Variants in ERCC1 observed in about 807,000 individuals in gnomAD.
ERCC1 encodes the protein DNA excision repair protein ERCC-1.
ERCC1 carries 36 observed loss-of-function variants against 37.6 expected under a neutral mutation model. The observed-to-expected ratio is 0.96, with a 90% CI of 0.73 to 1.26. The LOEUF (loss-of-function observed/expected upper bound fraction) is 1.26, where lower values mean the gene tolerates loss of function less well. Ranked by LOEUF, ERCC1 falls within the 50% of genes most tolerant of loss-of-function variation. The pLI, the probability that ERCC1 is intolerant of heterozygous loss-of-function variation, is 0.00. For missense variants in ERCC1, 349 were observed against 376.5 expected, an observed-to-expected ratio of 0.93 and a Z score of 0.60; for synonymous variants, 156 against 162.1, an observed-to-expected ratio of 0.96 and a Z score of 0.28.
rs569670995 is a variant in ERCC1 at position 45,420,968 on chromosome 19, AAC to A, written c.321+208_321+209del. ...TAAATTAACAAACCTGGGGTGAGGA[AAC>A]AGAGCTACACCAATACAGCCACAGC... On this transcript the variant is annotated intron_variant, in intron 3 of 9. Coordinates refer to ENST00000300853, the MANE Select transcript of ERCC1 (RefSeq NM_001983.4). This position sits in a 1 kb window ranked among gnomAD's most constrained non-coding sequence, Gnocchi z 4.8. Among the ~76,000 whole-genome samples the A allele has an allele frequency of 7.9e-5, 12 of 152,278 alleles. No homozygotes were observed. In the East Asian group the frequency reaches 2.3e-3, roughly 29 times the overall value.
At position 45,408,544 on chromosome 19, in the gene ERCC1, T is replaced by A. The variant is rs1306345910; in HGVS notation, c.*1131A>T. ...CCCCAGTCACTCAGGAGGCAGTGAA[T>A]GGGCACGGGGCCCTGGAGGTGGACA... is the stretch of plus-strand genomic sequence containing the variant. On this transcript the variant is annotated 3_prime_UTR_variant, in exon 10 of 10. Coordinates refer to ENST00000300853, the MANE Select transcript of ERCC1 (RefSeq NM_001983.4). 6.2e-7 allele frequency: 1 copy of A among 1,613,628 alleles called. No individual in the cohort carries two copies. Among genetic ancestry groups the A allele is most frequent in the Admixed American group, 1.7e-5 (1 of 59,994 alleles).
rs1203500887 is a variant in ERCC1 at position 45,407,547 on chromosome 19, C to T, written c.*2128G>A. ...CCATTAATCCTGCAACCTAAGCTTGCTCATTTATGTTATATTTAAGTAATG... is the reference window on the plus strand; with the variant it reads ...CCATTAATCCTGCAACCTAAGCTTGTTCATTTATGTTATATTTAAGTAATG... On this transcript the variant is annotated 3_prime_UTR_variant, in exon 10 of 10. Coordinates refer to ENST00000300853, the MANE Select transcript of ERCC1 (RefSeq NM_001983.4). 3.0e-6 allele frequency: 1 copy of T among 336,086 alleles called. No individual in the cohort carries two copies. The highest frequency in any genetic ancestry group is 5.0e-5 in the Admixed American group (1 of 20,142). 20.8% of individuals were successfully genotyped at this position (336,086 alleles called of 1,614,324 possible).
At chr19:45,414,210 T>A in intron 7 of ERCC1, 176 bp from the exon 8 acceptor site, 1 of 657,798 alleles carries the variant, frequency 1.5e-6, no homozygotes, top group South Asian at 1.6e-5. Context: ...GCGTGGTGGC[T>A]CATGCCTAAT....
chr19:45,430,063 C>G (rs989446407), intron 1 of ERCC1, among the ~76,000 whole-genome samples: 3 of 152,174 alleles, frequency 2.0e-5, no homozygotes, highest in African/African-American at 7.2e-5. Flanking sequence ...GGATTACAGG[C>G]ATGAGCCACC....
Position 45,409,892 on chromosome 19 carries a change from A to ATTTTTTTT in ERCC1, c.844-168_844-167insAAAAAAAA, listed in dbSNP as rs200386912. 10,347 of 202,152 alleles carry ATTTTTTTT rather than the reference A, an allele frequency of 0.051. 496 individuals are homozygous for ATTTTTTTT. Among genetic ancestry groups the ATTTTTTTT allele is most frequent in the South Asian group, 0.073 (354 of 4,858 alleles). 12.5% of individuals were successfully genotyped at this position (202,152 alleles called of 1,614,324 possible). A position where few individuals can be genotyped will look rare whatever the true frequency, so the allele number is the denominator to read the frequency against. Reference sequence around the variant, plus strand: ...ATCTTTTTAAGTTATTATTATTATTATTATTTTTTTTTTTTTTGAGATGGA... The same window carrying ATTTTTTTT: ...ATCTTTTTAAGTTATTATTATTATTATTTTTTTTTTATTTTTTTTTTTTTTGAGATGGA... On this transcript the variant is annotated intron_variant, in intron 9 of 9. Coordinates refer to ENST00000300853, the MANE Select transcript of ERCC1 (RefSeq NM_001983.4).
At chr19:45,443,752 C>G (rs1181526293) in intron 1 of ERCC1, among the ~76,000 whole-genome samples, 2 of 152,058 alleles carry the variant, frequency 1.3e-5, no homozygotes, top group African/African-American at 4.8e-5. Context: ...CAGGGGCTCC[C>G]CCTCTTCTGA....
Position 45,423,401 on chromosome 19 carries a change from G to A in ERCC1, c.-7-20C>T. 3 of 1,594,732 alleles carry A rather than the reference G, an allele frequency of 1.9e-6. No individual in the cohort carries two copies. Among genetic ancestry groups the A allele is most frequent in the Non-Finnish European group, 2.6e-6 (3 of 1,171,080 alleles). ...TGGAGCCTGAAAGGGAAGGTGCCAG[G>A]AGCGAGTGAGCCACTGGCGTCTACG... is the stretch of plus-strand genomic sequence containing the variant. On this transcript the variant is annotated intron_variant, in intron 1 of 9. Transcript: ENST00000300853.
chr19:45,407,356 T>C lies in ERCC1; in HGVS notation c.*2319A>G, dbSNP rs990235116. On this transcript the variant is annotated 3_prime_UTR_variant, in exon 10 of 10. Coordinates refer to ENST00000300853, the MANE Select transcript of ERCC1 (RefSeq NM_001983.4). ...GAGCACAGTGAAAGAAACAAGTTTA[T>C]TGGAAACTACTCCTTTACAGAGTAG... The C allele has an allele frequency of 3.3e-6, 3 of 915,376 alleles. No homozygotes were observed. Among genetic ancestry groups the C allele is most frequent in the Non-Finnish European group, 4.9e-6 (3 of 608,118 alleles). 56.7% of individuals were successfully genotyped at this position (915,376 alleles called of 1,614,324 possible).
At chr19:45,418,777 C>G (rs1974216752) in intron 5 of ERCC1, among the ~76,000 whole-genome samples, 1 of 152,130 alleles carries the variant, frequency 6.6e-6, no homozygotes, top group Non-Finnish European at 1.5e-5. Context: ...GAGCCAAGAT[C>G]AAGTCATTGC....
At chr19:45,423,194 TCCCACAGGC>T (rs1974544951) in intron 2 of ERCC1, 67 bp downstream of exon 2, 1 of 1,426,384 alleles carries the variant, frequency 7.0e-7, no homozygotes, top group Admixed American at 2.0e-5. Flanking sequence ...CACACCCTGG[TCCCACAGGC>T]CCCATCCTAT....
At chr19:45,413,841 G>C in intron 8 of ERCC1, 96 bp from the exon 9 acceptor site, 1 of 1,591,256 alleles carries the variant, frequency 6.3e-7, no homozygotes, top group Admixed American at 1.7e-5. Flanking sequence ...GGGGAGATGA[G>C]GGCCTGTGGG....
chr19:45,421,523 G>A (rs1974427698), intron 2 of ERCC1, 130 bp from the exon 3 acceptor site: 5 of 654,758 alleles, frequency 7.6e-6, no homozygotes, highest in Admixed American at 3.0e-5. Context: ...AGACTGGAGT[G>A]TAGTGGCACT....
chr19:45,435,454 A>C (rs1462899153), intron 1 of ERCC1, among the ~76,000 whole-genome samples: 1 of 152,172 alleles, frequency 6.6e-6, no homozygotes, highest in East Asian at 1.9e-4. Context: ...AGAAAACTCA[A>C]TAAACATTCT....
At position 45,408,558 on chromosome 19, in the gene ERCC1, T is replaced by G. The variant is rs574241250; in HGVS notation, c.*1117A>C. On this transcript the variant is annotated 3_prime_UTR_variant, in exon 10 of 10. Coordinates refer to ENST00000300853, the MANE Select transcript of ERCC1 (RefSeq NM_001983.4). Reference sequence around the variant, plus strand: ...GAGGCAGTGAATGGGCACGGGGCCCTGGAGGTGGACATGGCTTTGGGGTCG... The same window carrying G: ...GAGGCAGTGAATGGGCACGGGGCCCGGGAGGTGGACATGGCTTTGGGGTCG... 4 of 1,613,118 alleles carry G rather than the reference T, an allele frequency of 2.5e-6. No individual in the cohort carries two copies. The African/African-American group carries it at 5.4e-5, about 22-fold the overall frequency.
At chr19:45,424,076 G>A (rs1406810928), upstream of ERCC1, 1 of 1,040,580 alleles carries the variant, frequency 9.6e-7, no homozygotes, top group Non-Finnish European at 1.2e-6. Context: ...CCCTTACTGA[G>A]CGCTTCTGTG....
Position 45,419,124 on chromosome 19 carries a change from G to T in ERCC1, c.499C>A (p.Arg167=). The change falls in exon 5 of 10, where the codon CGG becomes AGG. Residue 167 remains arginine, a synonymous_variant. Coordinates refer to ENST00000300853, the MANE Select transcript of ERCC1 (RefSeq NM_001983.4). ...LQSLGKNFAL[R]VLLVQVDVKD... ...ACATCCACCTGGACAAGCAGGACCC[G>T]CAAGGCGAAGTTCTTCCCCAGGCTC... The T allele has an allele frequency of 6.3e-7, 1 of 1,588,530 alleles. No individual in the cohort carries two copies. Among genetic ancestry groups the T allele is most frequent in the Non-Finnish European group, 8.6e-7 (1 of 1,166,410 alleles).
At chr19:45,417,570 A>C (rs559721729) in intron 5 of ERCC1, among the ~76,000 whole-genome samples, 7 of 152,286 alleles carry the variant, frequency 4.6e-5, no homozygotes, top group African/African-American at 1.7e-4. Flanking sequence ...GTGAAATTCC[A>C]TGAGGAGCAT....
chr19:45,441,776 C>A (rs1341194488), intron 1 of ERCC1, among the ~76,000 whole-genome samples: 1 of 151,348 alleles, frequency 6.6e-6, no homozygotes. Flanking sequence ...CTCCTGGGTT[C>A]AAGTGGTTCT....
At chr19:45,409,790 A>C in intron 9 of ERCC1, 65 bp from the exon 10 acceptor site, 2 of 730,896 alleles carry the variant, frequency 2.7e-6, no homozygotes, top group Non-Finnish European at 5.1e-6. Context: ...GGGTAAATCT[A>C]GAGTGGGGTT....
Sources: gnomAD v4.1 joint callset for allele counts (sites outside exome capture counted in the v4.1 genomes callset) on GRCh38, gnomAD v4.1.1 for gene constraint, Gnocchi (gnomAD v3.1) non-coding constraint, MANE v1.5 for transcripts, NCBI Gene and HGNC (gene_info 2026-07-23, HGNC 2026-07-21) for gene names.